Variants in PDE6A observed in about 807,000 individuals in gnomAD.
PDE6A encodes phosphodiesterase 6A, also known as rod cGMP-specific 3',5'-cyclic phosphodiesterase subunit alpha.
A neutral mutation model predicts 106.3 loss-of-function variants in PDE6A; 84 were observed. That is an observed-to-expected ratio of 0.79 (90% CI 0.66 to 0.95). The LOEUF is 0.95. Among genes scored for constraint, PDE6A ranks in the 40% least tolerant of loss-of-function variants. The pLI, the probability that PDE6A is intolerant of heterozygous loss-of-function variation, is 0.00. For synonymous variants in PDE6A, 394 were observed against 386.6 expected, an observed-to-expected ratio of 1.02 and a Z score of -0.23; for missense variants, 1,052 against 1,084.9, an observed-to-expected ratio of 0.97 and a Z score of 0.43.
chr5:149,863,275 G>C lies in PDE6A; in HGVS notation c.2359-9C>G, dbSNP rs1760210521. 1.2e-6 allele frequency: 2 copies of C among 1,613,988 alleles called. No individual in the cohort carries two copies. Among genetic ancestry groups the C allele is most frequent in the South Asian group, 1.1e-5 (1 of 91,084 alleles). The stretch of plus-strand genomic sequence containing the variant: ...TGGAAACGGGAGAATTCCTAGAAGA[G>C]AGAGTATGTGCCTCTGGTGCAAGGG... On this transcript the variant is annotated splice_polypyrimidine_tract_variant and intron_variant, in intron 20 of 21. Transcript: ENST00000255266. The surrounding 1 kb of genome is among the most constrained non-coding windows in gnomAD (Gnocchi z 4.7).
intron 5 of PDE6A, among the ~76,000 whole-genome samples, chr5:149,915,477 G>A (rs922017257): frequency 2.6e-5 from 4 of 152,170 alleles, no homozygotes; most frequent in Admixed American, 1.3e-4. Flanking sequence ...TTTTCAGGAA[G>A]TGCCAAGCCT....
At position 149,876,213 on chromosome 5, in the gene PDE6A, A is replaced by G. The variant is rs181870312; in HGVS notation, c.2135+7216T>C. On this transcript the variant is annotated intron_variant, in intron 17 of 21. Coordinates refer to ENST00000255266, the MANE Select transcript of PDE6A (RefSeq NM_000440.3). ...CTATTTTTACAAATAATTATTAAAC[A>G]CTCAAAGCACCCTTTTTTGAATTCA... 1.1e-4 allele frequency among the ~76,000 whole-genome samples: 17 copies of G among 152,230 alleles called. 1 individual carries two copies. Among genetic ancestry groups the G allele is most frequent in the Admixed American group, 1.1e-3 (17 of 15,282 alleles).
intron 21 of PDE6A, among the ~76,000 whole-genome samples, chr5:149,861,901 G>T (rs1250002508): frequency 6.6e-6 from 1 of 152,130 alleles, no homozygotes; most frequent in African/African-American, 2.4e-5. Flanking sequence ...TTATTTCCCA[G>T]GATACCTCAC....
intron 17 of PDE6A, among the ~76,000 whole-genome samples, chr5:149,882,088 A>AAATAAAT (rs1167735544): frequency 6.5e-5 from 9 of 137,576 alleles, no homozygotes; most frequent in African/African-American, 2.0e-4. Context: ...ATAAATAAAT[A>AAATAAAT]AATAAAATGT....
rs779159497 is a variant in PDE6A, at chr5:149,944,488, A to G, written c.186T>C (p.Phe62=). The G allele has an allele frequency of 2.5e-6, 4 of 1,614,138 alleles. No individual in the cohort carries two copies. Among genetic ancestry groups the G allele is most frequent in the South Asian group, 2.2e-5 (2 of 91,072 alleles). Residue 62 remains phenylalanine, a synonymous_variant, in exon 1 of 22, where the codon TTT becomes TTC. Coordinates refer to ENST00000255266, the MANE Select transcript of PDE6A (RefSeq NM_000440.3). The part of the protein sequence containing the change: ...PSSMEESEII[F]DLLRDFQENL... ...TCTCCTGAAAGTCCCGCAGGAGATC[A>G]AAGATGATTTCGCTCTCCTCCATGC...
In PDE6A at chr5:149,884,855, T is replaced by G. The variant is rs1247537914; in HGVS notation, c.1851A>C (p.Pro617=). ...TAGAGGACCCATGGAGCTTGGCCAG[T>G]GGGTTCTGGGATCTGAATGAGAAAG... ...NNLYQMKSQN[P]LAKLHGSSIL... is the part of the protein sequence containing the mutation. Residue 617 remains proline (P), a synonymous_variant, in exon 15 of 22, where the codon CCA becomes CCC. Coordinates refer to ENST00000255266, the MANE Select transcript of PDE6A (RefSeq NM_000440.3). The G allele has an allele frequency of 6.2e-7, 1 of 1,613,864 alleles. No individual in the cohort carries two copies. Among genetic ancestry groups the G allele is most frequent in the Admixed American group, 1.7e-5 (1 of 60,018 alleles).
chr5:149,898,333 G>T, intron 10 of PDE6A, 30 bp downstream of exon 10: 2 of 1,607,110 alleles, frequency 1.2e-6, no homozygotes, highest in South Asian at 1.1e-5. Flanking sequence ...GTCTGTATTA[G>T]AGTAGAAACA....
rs1165923095 is a variant in PDE6A at position 149,863,648 on chromosome 5, C to G, written c.2359-382G>C. On this transcript the variant is annotated intron_variant, in intron 20 of 21. Transcript: ENST00000255266. The surrounding 1 kb of genome is among the most constrained non-coding windows in gnomAD (Gnocchi z 4.7). ...TTTTCTTTTTTTTTTCTTTCCAAGA[C>G]AGGGCCTCACTGTCATCCAGGCTGG... 6.6e-6 allele frequency among the ~76,000 whole-genome samples: 1 copy of G among 151,882 alleles called. No homozygotes were observed. Among genetic ancestry groups the G allele is most frequent in the Non-Finnish European group, 1.5e-5 (1 of 67,938 alleles).
rs3049632 is a variant in PDE6A, at chr5:149,920,942, AAAAGAAAGAAAGAAAG to A, written c.933+677_933+692del. 1.2e-4 allele frequency among the ~76,000 whole-genome samples: 13 copies of A among 108,348 alleles called. No individual in the cohort carries two copies. The East Asian group carries it at 1.3e-3, about 11-fold the overall frequency. The allele number at this position is 108,348 out of a possible 152,430, so 71.1% of individuals were successfully genotyped here. On this transcript the variant is annotated intron_variant, in intron 5 of 21. Coordinates refer to ENST00000255266, the MANE Select transcript of PDE6A (RefSeq NM_000440.3). ...GAAAGAAGAAAGAGAGAAAGAGAGA[AAAAGAAAGAAAGAAAG>A]AAAGAAAGAAAGAAAGAAAGAAAGA... is the stretch of plus-strand genomic sequence containing the variant.
intron 1 of PDE6A, among the ~76,000 whole-genome samples, chr5:149,936,684 T>G (rs1206512281): frequency 6.6e-6 from 1 of 152,192 alleles, no homozygotes; most frequent in Non-Finnish European, 1.5e-5. Flanking sequence ...ATTCAGCATA[T>G]AAAGTGTTCT....
At chr5:149,903,793 C>T (rs759731257) in intron 7 of PDE6A, 98 bp from the exon 8 acceptor site, 2 of 895,184 alleles carry the variant, frequency 2.2e-6, no homozygotes, top group Non-Finnish European at 3.8e-6. Flanking sequence ...ATGTTCTTGT[C>T]CAAGGCATTC....
intron 3 of PDE6A, 112 bp from the exon 4 acceptor site, chr5:149,931,280 C>T (rs974277929): frequency 1.1e-5 from 11 of 972,986 alleles, no homozygotes; most frequent in Non-Finnish European, 1.8e-5. Context: ...TTCATTTACC[C>T]TTCACAATAA....
chr5:149,903,174 G>C (rs944088768), intron 8 of PDE6A, among the ~76,000 whole-genome samples: 1 of 106,840 alleles, frequency 9.4e-6, no homozygotes, highest in Non-Finnish European at 2.1e-5. Flanking sequence ...AAAAACAAAA[G>C]AAAACAACAA....
At chr5:149,900,757 A>G (rs1159680854) in intron 8 of PDE6A, among the ~76,000 whole-genome samples, 1 of 152,120 alleles carries the variant, frequency 6.6e-6, no homozygotes, top group Non-Finnish European at 1.5e-5. Flanking sequence ...TGAAGAGCAC[A>G]GGTTTGTATT....
At chr5:149,886,237 T>C (rs374867097) in intron 14 of PDE6A, 28 bp downstream of exon 14, 1 of 1,466,646 alleles carries the variant, frequency 6.8e-7, no homozygotes. Flanking sequence ...ATCCGGAGGG[T>C]TGGGTGTGGG....
chr5:149,893,860 C>G (rs1752632806), intron 13 of PDE6A, among the ~76,000 whole-genome samples: 1 of 152,110 alleles, frequency 6.6e-6, no homozygotes, highest in African/African-American at 2.4e-5. Context: ...CACTCATGCT[C>G]CCAGATAGCT....
At chr5:149,895,334 G>T in intron 12 of PDE6A, 44 bp from the exon 13 acceptor site, 1 of 1,317,600 alleles carries the variant, frequency 7.6e-7, no homozygotes, top group Non-Finnish European at 1.1e-6. Flanking sequence ...CACCTGAAAT[G>T]GTCTCATGAG....
intron 4 of PDE6A, among the ~76,000 whole-genome samples, chr5:149,930,774 T>G (rs1006656472): frequency 6.6e-6 from 1 of 152,208 alleles, no homozygotes; most frequent in African/African-American, 2.4e-5. Context: ...CATCAGTTTC[T>G]TTTCATGTAC....
intron 6 of PDE6A, 65 bp from the exon 7 acceptor site, chr5:149,907,443 C>A: frequency 1.5e-6 from 2 of 1,367,310 alleles, no homozygotes; most frequent in Admixed American, 3.4e-5. Context: ...AGACTAAAAT[C>A]TGGGTGTTTG....
Sources: allele counts gnomAD v4.1 joint callset (sites outside exome capture counted in the v4.1 genomes callset), GRCh38; gene constraint gnomAD v4.1.1; non-coding constraint Gnocchi (gnomAD v3.1); transcripts MANE v1.5; gene names NCBI Gene and HGNC (gene_info 2026-07-23, HGNC 2026-07-21).